COG5: variants seen among roughly 807,000 people sequenced by gnomAD.
The protein encoded by COG5 is conserved oligomeric Golgi complex subunit 5.
Under a neutral mutation model 110.4 loss-of-function variants are expected in COG5, and 86 were observed. That is an observed-to-expected ratio of 0.78 (90% CI 0.65 to 0.93). The LOEUF is 0.93. COG5 is among the 40% of genes least tolerant of loss of function. COG5 has a pLI of 0.00. For missense variants in COG5, 1,077 were observed against 987.0 expected (o/e 1.09, Z -1.22); for synonymous variants, 360 against 334.6 (o/e 1.08, Z -0.83).
intron 8 of COG5, among the ~76,000 whole-genome samples, chr7:107,367,451 C>G (rs1813727241): frequency 6.6e-6 from 1 of 151,892 alleles, no homozygotes; most frequent in African/African-American, 2.4e-5. Flanking sequence ...AGTCATATAT[C>G]AAAAAGACAC....
At chr7:107,254,120 AATG>A (rs981347387) in intron 16 of COG5, among the ~76,000 whole-genome samples, 2 of 152,188 alleles carry the variant, frequency 1.3e-5, no homozygotes, top group African/African-American at 4.8e-5. Context: ...AAGAATACGT[AATG>A]ATGAACCTCA....
chr7:107,362,106 T>G lies in COG5; in HGVS notation c.953A>C (p.Gln318Pro), dbSNP rs1196167570. The G allele has an allele frequency of 6.2e-7, 1 of 1,605,078 alleles. No individual in the cohort carries two copies. ...CTTGGCCAATACTTTTTGTAGATGT[T>G]GTACCTTAAATGAAACAAATGTAAA... The part of the protein sequence containing the change: ...DHIYAVCGQV[Q>P]HLQKVLAKKR... Residue 318 changes from glutamine to proline, a missense_variant, in exon 10 of 22, where the codon CAA becomes CCA. Gln to Pro is a moderately conservative substitution (Grantham distance 76). Transcript: ENST00000297135.
intron 17 of COG5, among the ~76,000 whole-genome samples, chr7:107,240,169 A>T (rs1801502632): frequency 6.6e-6 from 1 of 152,214 alleles, no homozygotes; most frequent in African/African-American, 2.4e-5. Context: ...CTTTTAAAAT[A>T]AATTTCAAAT....
rs781036742 is a variant in COG5, at chr7:107,201,678, T to TATCA, written c.*1834_*1837dup. On this transcript the variant is annotated 3_prime_UTR_variant, in exon 22 of 22. Transcript: ENST00000297135. ...TTTTCTTCCAAACTTCATATATGTC[T>TATCA]ATCAGGTAATAATAGGCTTGAAAAT... 15 of 383,342 alleles carry TATCA rather than the reference T, an allele frequency of 3.9e-5. No homozygotes were observed. Among genetic ancestry groups the TATCA allele is most frequent in the Admixed American group, 2.2e-4 (5 of 22,826 alleles). The allele number at this position is 383,342 out of a possible 1,614,324, so 23.7% of individuals were successfully genotyped here. A position where few individuals can be genotyped will look rare whatever the true frequency, so the allele number is the denominator to read the frequency against.
intron 13 of COG5, among the ~76,000 whole-genome samples, chr7:107,282,299 A>T (rs1489442372): frequency 6.6e-5 from 10 of 152,198 alleles, no homozygotes; most frequent in Admixed American, 6.5e-4. Flanking sequence ...GTTGTAGATT[A>T]TATTTGATTA....
intron 17 of COG5, among the ~76,000 whole-genome samples, chr7:107,244,751 G>A (rs903710980): frequency 2.0e-5 from 3 of 152,148 alleles, no homozygotes; most frequent in African/African-American, 4.8e-5. Context: ...CCAGCCAGGA[G>A]GAAACTGATT....
intron 6 of COG5, among the ~76,000 whole-genome samples, chr7:107,516,412 TTGTC>T (rs1799927181): frequency 1.3e-5 from 2 of 152,256 alleles, no homozygotes; most frequent in Non-Finnish European, 2.9e-5. Flanking sequence ...TGTCCACAGT[TTGTC>T]TTTTTATTCT....
intron 10 of COG5, among the ~76,000 whole-genome samples, chr7:107,332,077 G>A (rs1810301127): frequency 6.6e-6 from 1 of 152,122 alleles, no homozygotes; most frequent in African/African-American, 2.4e-5. Flanking sequence ...TCGAACTCCT[G>A]ACCTCATGTG....
At chr7:107,529,712 A>G (rs73187400) in intron 5 of COG5, among the ~76,000 whole-genome samples, 1,638 of 152,314 alleles carry the variant, frequency 0.011, 15 homozygotes, top group Non-Finnish European at 0.018. Flanking sequence ...GACTCTTCCA[A>G]GCGTACTTTC....
rs1203629741 is a variant in COG5, at chr7:107,340,938, T to C, written c.1027-16417A>G. Among the ~76,000 whole-genome samples, 2 of 151,810 alleles carry C rather than the reference T, an allele frequency of 1.3e-5. 1 individual carries two copies. Among genetic ancestry groups the C allele is most frequent in the South Asian group, 4.1e-4 (2 of 4,822 alleles). On this transcript the variant is annotated intron_variant, in intron 10 of 21. Coordinates refer to ENST00000297135, the MANE Select transcript of COG5 (RefSeq NM_006348.5). ...GCCAACATCATACTGAATGGAAAAA[T>C]TCTGGAAGCATTCCCCTTGAGAACA... is the stretch of plus-strand genomic sequence containing the variant.
chr7:107,209,738 G>C, intron 21 of COG5: 1 of 842,792 alleles, frequency 1.2e-6, no homozygotes, highest in Non-Finnish European at 1.4e-6. Flanking sequence ...CGTATCCTCG[G>C]TTCCTGGCCC....
chr7:107,320,628 A>C (rs1289649813), intron 11 of COG5, among the ~76,000 whole-genome samples: 1 of 152,210 alleles, frequency 6.6e-6, no homozygotes, highest in Non-Finnish European at 1.5e-5. Context: ...ACTGGTTGCA[A>C]TTGCAGGTTA....
At chr7:107,239,670 T>G (rs1453117697) in intron 17 of COG5, among the ~76,000 whole-genome samples, 2 of 152,242 alleles carry the variant, frequency 1.3e-5, no homozygotes, top group African/African-American at 4.8e-5. Context: ...TTTACTTGTT[T>G]AAACAAAATG....
chr7:107,381,761 A>G (rs1055809243), intron 7 of COG5, among the ~76,000 whole-genome samples: 4 of 152,260 alleles, frequency 2.6e-5, no homozygotes, highest in Non-Finnish European at 4.4e-5. Flanking sequence ...TGAACTCAGA[A>G]AGCTGAAGCA....
intron 14 of COG5, among the ~76,000 whole-genome samples, chr7:107,280,805 T>G (rs1049180291): frequency 2.0e-5 from 3 of 151,984 alleles, no homozygotes; most frequent in African/African-American, 7.2e-5. Context: ...TCCCAGGTTC[T>G]AGGGTTGGAA....
rs568383036 is a variant in COG5 at position 107,386,202 on chromosome 7, T to C, written c.670-13442A>G. Among the ~76,000 whole-genome samples, 149 of 149,128 alleles carry C rather than the reference T, an allele frequency of 1.0e-3. 3 individuals carry two copies. The highest frequency in any genetic ancestry group is 2.3e-3 in the Admixed American group (34 of 14,582). On this transcript the variant is annotated intron_variant, in intron 7 of 21. Coordinates refer to ENST00000297135, the MANE Select transcript of COG5 (RefSeq NM_006348.5). ...AGGAATATAGAGGAGTCTATCTAAA[T>C]AGCTTCTTTAAAGACTAAACTTAGA...
chr7:107,419,814 C>T (rs562622500), intron 6 of COG5, among the ~76,000 whole-genome samples: 7 of 152,222 alleles, frequency 4.6e-5, no homozygotes, highest in East Asian at 3.9e-4. Flanking sequence ...GTGATCCACC[C>T]GCCTCGGCCT....
intron 14 of COG5, 158 bp from the exon 15 acceptor site, chr7:107,258,541 C>G (rs1168812314): frequency 1.5e-6 from 1 of 656,536 alleles, no homozygotes; most frequent in East Asian, 2.7e-5. Flanking sequence ...TGGAAATATT[C>G]AGGTCAACTT....
chr7:107,531,494 C>T (rs1461778721), intron 5 of COG5, among the ~76,000 whole-genome samples: 1 of 151,954 alleles, frequency 6.6e-6, no homozygotes, highest in East Asian at 1.9e-4. Flanking sequence ...TAAAAATAAA[C>T]TTTACCTCAT....
Sources: allele counts gnomAD v4.1 joint callset (sites outside exome capture counted in the v4.1 genomes callset), GRCh38; gene constraint gnomAD v4.1.1; transcripts MANE v1.5; gene names NCBI Gene and HGNC (gene_info 2026-07-23, HGNC 2026-07-21).